Variants in PTPRM observed in about 807,000 individuals in gnomAD.
PTPRM encodes protein tyrosine phosphatase receptor type M.
In PTPRM, 47 loss-of-function variants were observed where a neutral mutation model predicts 186.7. The ratio of observed to expected loss-of-function variants is 0.25; its 90% CI spans 0.20 to 0.32. PTPRM has a LOEUF of 0.32. PTPRM is among the 10% of genes least tolerant of loss of function. The pLI is 1.00. For synonymous variants in PTPRM, 668 were observed against 674.9 expected, an observed-to-expected ratio of 0.99 and a Z score of 0.16; for missense variants, 1,494 against 1,865.0, an observed-to-expected ratio of 0.80 and a Z score of 3.66.
chr18:8,028,859 A>G (rs2085750082), intron 7 of PTPRM, among the ~76,000 whole-genome samples: 2 of 152,192 alleles, frequency 1.3e-5, no homozygotes, highest in African/African-American at 4.8e-5. Context: ...TGTCTCCTTC[A>G]CCACTGTGCC....
intron 2 of PTPRM, among the ~76,000 whole-genome samples, chr18:7,832,887 A>G (rs2045832361): frequency 6.6e-6 from 1 of 152,114 alleles, no homozygotes; most frequent in Non-Finnish European, 1.5e-5. Context: ...TCTTTTACCC[A>G]TTATATGTTC....
intron 14 of PTPRM, among the ~76,000 whole-genome samples, chr18:8,170,955 A>G (rs2093391568): frequency 6.6e-6 from 1 of 152,216 alleles, no homozygotes; most frequent in South Asian, 2.1e-4. Flanking sequence ...CTGCAGCAAA[A>G]ATAAATTAGC....
At chr18:8,374,099 T>C (rs1307337915) in intron 24 of PTPRM, among the ~76,000 whole-genome samples, 2 of 152,092 alleles carry the variant, frequency 1.3e-5, no homozygotes, top group African/African-American at 4.8e-5. Context: ...GAAAACTGGA[T>C]CAGAAGCCGT....
chr18:7,688,694 G>T (rs970057334), intron 1 of PTPRM, among the ~76,000 whole-genome samples: 1 of 152,158 alleles, frequency 6.6e-6, no homozygotes, highest in African/African-American at 2.4e-5. Flanking sequence ...GGTGACACCT[G>T]TTCCCCTTCT....
rs532893146 is a variant in PTPRM at position 7,606,490 on chromosome 18, G to A, written c.73+38599G>A. On this transcript the variant is annotated intron_variant, in intron 1 of 32. Coordinates refer to ENST00000580170, the MANE Select transcript of PTPRM (RefSeq NM_001105244.2). ...GAAGGTAAAATCTGAAGTTAGCAGAGAAGGTAGAAATCATTTTTGATTTTT... is the reference window on the plus strand; with the variant it reads ...GAAGGTAAAATCTGAAGTTAGCAGAAAAGGTAGAAATCATTTTTGATTTTT... 2.6e-5 allele frequency among the ~76,000 whole-genome samples: 4 copies of A among 152,260 alleles called. No homozygotes were observed. In the South Asian group the frequency reaches 8.3e-4, roughly 32 times the overall value.
In PTPRM at chr18:7,568,819, G is replaced by A. The variant is rs1018525297; in HGVS notation, c.73+928G>A. ...TCGGAGTCGGGGGTCCGGCGTGGGG[G>A]CGAACCCGGCACGCTGTCACAGGGG... On this transcript the variant is annotated intron_variant, in intron 1 of 32. Transcript: ENST00000580170. The surrounding 1 kb of genome is among the most constrained non-coding windows in gnomAD (Gnocchi z 5.1). 1.3e-5 allele frequency among the ~76,000 whole-genome samples: 2 copies of A among 152,168 alleles called. No individual in the cohort carries two copies. The highest frequency in any genetic ancestry group is 4.8e-5 in the African/African-American group (2 of 41,462).
At chr18:8,131,329 T>G (rs764936583) in intron 13 of PTPRM, among the ~76,000 whole-genome samples, 1 of 152,198 alleles carries the variant, frequency 6.6e-6, no homozygotes, top group Non-Finnish European at 1.5e-5. Flanking sequence ...TTACCTGTCT[T>G]TGGGATAAAA....
At chr18:8,153,561 A>G (rs1338891012) in intron 14 of PTPRM, among the ~76,000 whole-genome samples, 4 of 152,228 alleles carry the variant, frequency 2.6e-5, no homozygotes, top group African/African-American at 9.6e-5. Context: ...ATTCTCTGTC[A>G]GATGAATTAG....
At chr18:8,284,750 A>G in intron 19 of PTPRM, among the ~76,000 whole-genome samples, 1 of 152,208 alleles carries the variant, frequency 6.6e-6, no homozygotes, top group Non-Finnish European at 1.5e-5. Context: ...TCTGACTCAA[A>G]AAACATAAAT....
At chr18:8,175,757 A>G (rs2093471242) in intron 14 of PTPRM, among the ~76,000 whole-genome samples, 1 of 152,208 alleles carries the variant, frequency 6.6e-6, no homozygotes, top group Non-Finnish European at 1.5e-5. Context: ...CTTGAAGGTA[A>G]TTTCGTTGGT....
At chr18:7,934,832 A>G (rs902207926) in intron 5 of PTPRM, among the ~76,000 whole-genome samples, 1 of 152,210 alleles carries the variant, frequency 6.6e-6, no homozygotes, top group Non-Finnish European at 1.5e-5. Context: ...TATCGTAACC[A>G]TAATGCATGT....
At chr18:8,169,147 G>A (rs1032737860) in intron 14 of PTPRM, among the ~76,000 whole-genome samples, 1 of 152,074 alleles carries the variant, frequency 6.6e-6, no homozygotes, top group Non-Finnish European at 1.5e-5. Context: ...AAATGTCATC[G>A]ATATAGCACA....
At chr18:8,105,541 C>T (rs2091477178) in intron 11 of PTPRM, among the ~76,000 whole-genome samples, 1 of 152,224 alleles carries the variant, frequency 6.6e-6, no homozygotes, top group Non-Finnish European at 1.5e-5. Flanking sequence ...TTCCCTCAAA[C>T]TCCATTTCAG....
chr18:8,064,022 C>T (rs1033623410), intron 7 of PTPRM, among the ~76,000 whole-genome samples: 2 of 152,110 alleles, frequency 1.3e-5, no homozygotes, highest in South Asian at 2.1e-4. Flanking sequence ...TGTGTTCTTA[C>T]TGTAAGTGTA....
chr18:8,097,827 T>G (rs2091085572), intron 11 of PTPRM, among the ~76,000 whole-genome samples: 1 of 152,160 alleles, frequency 6.6e-6, no homozygotes, highest in Non-Finnish European at 1.5e-5. Context: ...TCAACAAAAT[T>G]AAAAACACAC....
chr18:7,685,241 C>G (rs2039574211), intron 1 of PTPRM, among the ~76,000 whole-genome samples: 2 of 152,176 alleles, frequency 1.3e-5, no homozygotes, highest in Non-Finnish European at 2.9e-5. Context: ...CCTGCTGGAA[C>G]AAGCCCAAGC....
chr18:7,893,956 C>A (rs926790369), intron 3 of PTPRM, among the ~76,000 whole-genome samples: 6 of 152,152 alleles, frequency 3.9e-5, no homozygotes, highest in Non-Finnish European at 8.8e-5. Flanking sequence ...ATTTTCACCC[C>A]TGGCCTGAGG....
chr18:8,285,488 G>T (rs971351546), intron 19 of PTPRM, among the ~76,000 whole-genome samples: 1 of 152,200 alleles, frequency 6.6e-6, no homozygotes, highest in Non-Finnish European at 1.5e-5. Context: ...CTGAATTGCA[G>T]GTGAGAAAGT....
intron 14 of PTPRM, among the ~76,000 whole-genome samples, chr18:8,220,180 G>A (rs2094138656): frequency 6.6e-6 from 1 of 152,228 alleles, no homozygotes; most frequent in Middle Eastern, 3.4e-3. Context: ...GAATTAAAGG[G>A]GAAGGAGATA....
Sources: gnomAD v4.1 joint callset for allele counts (sites outside exome capture counted in the v4.1 genomes callset) on GRCh38, gnomAD v4.1.1 for gene constraint, Gnocchi (gnomAD v3.1) non-coding constraint, MANE v1.5 for transcripts, NCBI Gene and HGNC (gene_info 2026-07-23, HGNC 2026-07-21) for gene names.